Variants in UGT1A7 observed in about 807,000 individuals in gnomAD.
UGT1A7 encodes UDP glucuronosyltransferase family 1 member A7.
A neutral mutation model predicts 45.6 loss-of-function variants in UGT1A7; 33 were observed. The ratio of observed to expected loss-of-function variants is 0.72; its 90% CI spans 0.55 to 0.97. The LOEUF (loss-of-function observed/expected upper bound fraction) is 0.97, where lower values mean the gene tolerates loss of function less well. Ranked by LOEUF, UGT1A7 falls within the 50% of genes least tolerant of loss-of-function variation. The pLI is 0.00. For synonymous variants in UGT1A7, 274 were observed against 250.6 expected (o/e 1.09, Z -0.88); for missense variants, 684 against 666.2 (o/e 1.03, Z -0.29).
At position 233,747,384 on chromosome 2, in the gene UGT1A7, G is replaced by A. The variant is rs1693657015; in HGVS notation, c.856-19650G>A. The A allele has an allele frequency of 7.5e-6, 12 of 1,605,260 alleles. No individual in the cohort carries two copies. In the South Asian group the frequency reaches 1.2e-4, roughly 16 times the overall value. ...GGAGCTCCATGCCAGAGGCCACCAGGCGGTGGTCCTCACCCCAGAGGTGAA... is the reference window on the plus strand; with the variant it reads ...GGAGCTCCATGCCAGAGGCCACCAGACGGTGGTCCTCACCCCAGAGGTGAA... On this transcript the variant is annotated intron_variant, in intron 1 of 4. Transcript: ENST00000373426.
rs574223666 is a variant in UGT1A7, at chr2:233,734,984, T to C, written c.856-32050T>C. ...GTGATGTGGTGCTGAGAAGAATGTA[T>C]ATTCTCTTGACTTAGGGTGGAGAGT... On this transcript the variant is annotated intron_variant, in intron 1 of 4. Transcript: ENST00000373426. Among the ~76,000 whole-genome samples, 9 of 152,370 alleles carry C rather than the reference T, an allele frequency of 5.9e-5. No homozygotes were observed. In the East Asian group the frequency reaches 1.5e-3, roughly 26 times the overall value.
At chr2:233,719,282 TAACCTCTGTGGGGC>T (rs1452808261) in intron 1 of UGT1A7, 2 of 1,614,148 alleles carry the variant, frequency 1.2e-6, no homozygotes, top group Non-Finnish European at 1.7e-6. Flanking sequence ...CAGACCCCGT[TAACCTCTGTGGGGC>T]GGTGCTGGCT....
chr2:233,743,636 C>A (rs764566878), intron 1 of UGT1A7: 1 of 1,367,194 alleles, frequency 7.3e-7, no homozygotes. Context: ...GGCTGGGTCG[C>A]GGAAGCTGAA....
intron 1 of UGT1A7, chr2:233,713,385 C>G (rs2076315367): frequency 1.2e-6 from 2 of 1,614,134 alleles, no homozygotes; most frequent in African/African-American, 1.3e-5. Context: ...TGTGGAGCTA[C>G]TGCATAATGA....
rs939298630 is a variant in UGT1A7, at chr2:233,760,212, G to A, written c.856-6822G>A. ...ACGTGACACAGTCAAACATTAACTT[G>A]GTGTATCGATTGGTTTTTGCCATAT... On this transcript the variant is annotated intron_variant, in intron 1 of 4. Coordinates refer to ENST00000373426, the MANE Select transcript of UGT1A7 (RefSeq NM_019077.3). 1.9e-5 allele frequency: 30 copies of A among 1,591,462 alleles called. No homozygotes were observed. The Admixed American group carries it at 4.7e-4, about 25-fold the overall frequency.
chr2:233,700,593 C>T (rs888574084), intron 1 of UGT1A7, among the ~76,000 whole-genome samples: 1 of 152,066 alleles, frequency 6.6e-6, no homozygotes, highest in Non-Finnish European at 1.5e-5. Flanking sequence ...TATTATGATA[C>T]AATTCACTCT....
chr2:233,766,850 T>C (rs1248093383), intron 1 of UGT1A7, among the ~76,000 whole-genome samples, 184 bp from the exon 2 acceptor site: 1 of 152,222 alleles, frequency 6.6e-6, no homozygotes, highest in Non-Finnish European at 1.5e-5. Flanking sequence ...CTTCCTCCTT[T>C]AGAAGGAAGT....
chr2:233,729,225 G>A (rs376743890), intron 1 of UGT1A7: 6 of 1,614,040 alleles, frequency 3.7e-6, no homozygotes, highest in Admixed American at 1.7e-5. Context: ...AGGTGTTGGT[G>A]GTGCCCATTG....
intron 1 of UGT1A7, chr2:233,760,709 C>A (rs774109568): frequency 6.2e-7 from 1 of 1,614,204 alleles, no homozygotes; most frequent in African/African-American, 1.3e-5. Flanking sequence ...GCCTCCCTGG[C>A]AGAAAGCAGC....
chr2:233,765,534 C>G (rs1303263434), intron 1 of UGT1A7, among the ~76,000 whole-genome samples: 1 of 152,060 alleles, frequency 6.6e-6, no homozygotes, highest in African/African-American at 2.4e-5. Context: ...CATGTTCTCA[C>G]TCATAAGTGG....
At chr2:233,762,035 T>C (rs960173120) in intron 1 of UGT1A7, among the ~76,000 whole-genome samples, 7 of 152,218 alleles carry the variant, frequency 4.6e-5, no homozygotes, top group African/African-American at 1.4e-4. Flanking sequence ...TTTTTTTTAA[T>C]TTTCTGTGCA....
chr2:233,769,853 G>A lies in UGT1A7; in HGVS notation c.1295+1414G>A. 2 of 388,620 alleles carry A rather than the reference G, an allele frequency of 5.1e-6. No homozygotes were observed. The highest frequency in any genetic ancestry group is 7.0e-5 in the South Asian group (1 of 14,300). The allele number at this position is 388,620 out of a possible 1,614,324, so 24.1% of individuals were successfully genotyped here. A position where few individuals can be genotyped will look rare whatever the true frequency, so the allele number is the denominator to read the frequency against. ...AACCTGGGCAACAGAGTGAGACCCT[G>A]TCTCAAAAAAAAAAAAAAAAATGAA... is the stretch of plus-strand genomic sequence containing the variant. On this transcript the variant is annotated intron_variant, in intron 4 of 4. Transcript: ENST00000373426. This position sits in a 1 kb window ranked among gnomAD's most constrained non-coding sequence, Gnocchi z 4.4.
intron 1 of UGT1A7, chr2:233,761,091 C>T (rs138454262): frequency 2.5e-6 from 4 of 1,614,104 alleles, no homozygotes; most frequent in Non-Finnish European, 3.4e-6. Context: ...CTAGGCCCAT[C>T]ATGCCCAATA....
intron 1 of UGT1A7, among the ~76,000 whole-genome samples, chr2:233,763,058 A>G (rs1698227162): frequency 6.6e-6 from 1 of 152,176 alleles, no homozygotes. Context: ...ATTGATTTAG[A>G]TAATTTCCTT....
intron 1 of UGT1A7, among the ~76,000 whole-genome samples, chr2:233,737,542 G>A (rs1380608470): frequency 6.6e-6 from 1 of 152,180 alleles, no homozygotes; most frequent in East Asian, 1.9e-4. Flanking sequence ...CCCTGCTTCG[G>A]CTTGCCCTCA....
intron 1 of UGT1A7, among the ~76,000 whole-genome samples, chr2:233,765,129 C>T (rs936294408): frequency 1.3e-5 from 2 of 152,146 alleles, no homozygotes; most frequent in African/African-American, 2.4e-5. Flanking sequence ...CAGGTTTTAG[C>T]ACTGAACATC....
chr2:233,747,715 C>A, intron 1 of UGT1A7: 2 of 1,613,182 alleles, frequency 1.2e-6, no homozygotes, highest in South Asian at 2.2e-5. Flanking sequence ...CTATCAATTC[C>A]TGCTGTGTTT....
At chr2:233,706,491 C>T (rs1051285844) in intron 1 of UGT1A7, among the ~76,000 whole-genome samples, 1 of 152,182 alleles carries the variant, frequency 6.6e-6, no homozygotes, top group Non-Finnish European at 1.5e-5. Context: ...TGAGGGTGTC[C>T]AGGCTGGTGT....
chr2:233,770,282 A>G (rs1416601751), intron 4 of UGT1A7: 1 of 152,218 alleles, frequency 6.6e-6, no homozygotes, highest in Admixed American at 6.5e-5. Context: ...CAAAATAAAA[A>G]GAAGTGGAAA....
Sources: gnomAD v4.1 joint callset for allele counts (sites outside exome capture counted in the v4.1 genomes callset) on GRCh38, gnomAD v4.1.1 for gene constraint, Gnocchi (gnomAD v3.1) non-coding constraint, MANE v1.5 for transcripts, NCBI Gene and HGNC (gene_info 2026-07-23, HGNC 2026-07-21) for gene names.